EVC2: variants seen among roughly 807,000 people sequenced by gnomAD.
EVC2 encodes the protein EvC ciliary complex subunit 2.
EVC2 carries 148 observed loss-of-function variants against 149.3 expected under a neutral mutation model. The ratio of observed to expected loss-of-function variants is 0.99; its 90% CI spans 0.87 to 1.14. EVC2 has a LOEUF of 1.14. EVC2 is among the 50% of genes most tolerant of loss of function. The probability of loss-of-function intolerance (pLI) is 0.00; values close to 1 mark genes in which losing one functional copy is unlikely to be tolerated. For synonymous variants in EVC2, 776 were observed against 649.9 expected (o/e 1.19, Z -2.95); for missense variants, 1,854 against 1,627.3 (o/e 1.14, Z -2.40).
intron 21 of EVC2, among the ~76,000 whole-genome samples, chr4:5,545,602 A>T (rs1414823404): frequency 6.6e-6 from 1 of 152,188 alleles, no homozygotes; most frequent in Non-Finnish European, 1.5e-5. Flanking sequence ...CCTACTGGCC[A>T]CATGGGAATT....
At chr4:5,642,950 C>T (rs1387029170) in intron 9 of EVC2, among the ~76,000 whole-genome samples, 1 of 152,170 alleles carries the variant, frequency 6.6e-6, no homozygotes, top group Admixed American at 6.5e-5. Context: ...TCATTTTACC[C>T]ATGAACACCT....
chr4:5,602,137 T>A (rs1383185648), intron 16 of EVC2, among the ~76,000 whole-genome samples: 1 of 151,502 alleles, frequency 6.6e-6, no homozygotes, highest in Non-Finnish European at 1.5e-5. Context: ...TAAAAAATTT[T>A]AAAAATTAGT....
chr4:5,650,835 C>T (rs1426816971), intron 9 of EVC2, among the ~76,000 whole-genome samples: 1 of 151,974 alleles, frequency 6.6e-6, no homozygotes, highest in Non-Finnish European at 1.5e-5. Flanking sequence ...CTCCAGAGTC[C>T]TTGCTGTACC....
intron 21 of EVC2, among the ~76,000 whole-genome samples, chr4:5,549,299 T>C (rs892254811): frequency 2.0e-5 from 3 of 152,180 alleles, no homozygotes; most frequent in South Asian, 2.1e-4. Context: ...CCTGCAATAA[T>C]TGTAAGATGA....
Position 5,618,737 on chromosome 4 carries a change from C to T in EVC2, c.2502-55G>A. On this transcript the variant is annotated intron_variant, in intron 14 of 21. Transcript: ENST00000344408. The surrounding 1 kb of genome is among the most constrained non-coding windows in gnomAD (Gnocchi z 4.4). ...ACACAGAGAAAGCCTGGGGGCTGGG[C>T]TGGGGTGAAGAAGCCAGAGATGCAA... 4 of 1,522,388 alleles carry T rather than the reference C, an allele frequency of 2.6e-6. No homozygotes were observed. The highest frequency in any genetic ancestry group is 3.6e-6 in the Non-Finnish European group (4 of 1,120,308). 94.3% of individuals were successfully genotyped at this position (1,522,388 alleles called of 1,614,324 possible).
At position 5,562,968 on chromosome 4, in the gene EVC2, T is replaced by C. The variant is rs1722046475; in HGVS notation, c.3807A>G (p.Gly1269=). ...GATTTCTGAATATAAAGAGCTTCTC[T>C]CCTGTGTTTAATAGATCAATGGTTT... ...GAETIDLLNT[G]EKLFIFRNPK... is the part of the protein sequence containing the mutation. The change falls in exon 22 of 22, where the codon GGA becomes GGG. Residue 1269 remains glycine (G), a synonymous_variant. Coordinates refer to ENST00000344408, the MANE Select transcript of EVC2 (RefSeq NM_147127.5). This position sits in a 1 kb window ranked among gnomAD's most constrained non-coding sequence, Gnocchi z 4.3. 6.2e-7 allele frequency: 1 copy of C among 1,614,138 alleles called. No individual in the cohort carries two copies. The highest frequency in any genetic ancestry group is 8.5e-7 in the Non-Finnish European group (1 of 1,180,032).
intron 18 of EVC2, among the ~76,000 whole-genome samples, chr4:5,575,729 T>G (rs1304694820): frequency 6.6e-6 from 1 of 152,238 alleles, no homozygotes; most frequent in Non-Finnish European, 1.5e-5. Flanking sequence ...CAAGGCTAAG[T>G]GCCTAATGTG....
In EVC2 at chr4:5,614,528, G is replaced by T. The variant is rs4350953; in HGVS notation, c.2829+894C>A. 3.3e-5 allele frequency among the ~76,000 whole-genome samples: 5 copies of T among 152,122 alleles called. No homozygotes were observed. The East Asian group carries it at 9.7e-4, about 30-fold the overall frequency. On this transcript the variant is annotated intron_variant, in intron 16 of 21. Coordinates refer to ENST00000344408, the MANE Select transcript of EVC2 (RefSeq NM_147127.5). The surrounding 1 kb of genome is among the most constrained non-coding windows in gnomAD (Gnocchi z 4.7). ...TGTTCGGGTAAGGCTTCTTGGAAGG[G>T]GAGACATCCAAGAGCTGAGGGAACA...
intron 16 of EVC2, among the ~76,000 whole-genome samples, chr4:5,598,373 A>G (rs1331009844): frequency 1.3e-5 from 2 of 150,606 alleles, no homozygotes; most frequent in African/African-American, 2.4e-5. Flanking sequence ...AAACAGAGAT[A>G]TAGATCAATG....
intron 5 of EVC2, 59 bp from the exon 6 acceptor site, chr4:5,685,538 C>A: frequency 7.3e-7 from 1 of 1,363,034 alleles, no homozygotes. Flanking sequence ...CCGGCTGCAC[C>A]CCACCACACC....
rs183413745 is a variant in EVC2, at chr4:5,658,159, C to T, written c.1145+4948G>A. On this transcript the variant is annotated intron_variant, in intron 9 of 21. Transcript: ENST00000344408. The stretch of plus-strand genomic sequence containing the variant: ...ACCAAGACTCTTACTTGCTAGTGTC[C>T]GGCAAACAAGAGTCTTGGATCTACC... Among the ~76,000 whole-genome samples the T allele has an allele frequency of 1.2e-4, 18 of 152,230 alleles. No homozygotes were observed. The East Asian group carries it at 2.9e-3, about 25-fold the overall frequency.
At chr4:5,676,735 C>T (rs954945995) in intron 7 of EVC2, among the ~76,000 whole-genome samples, 1 of 152,192 alleles carries the variant, frequency 6.6e-6, no homozygotes, top group Non-Finnish European at 1.5e-5. Flanking sequence ...GCCTGCCAGT[C>T]CACCCAGCCC....
At chr4:5,584,990 C>A in intron 16 of EVC2, 140 bp from the exon 17 acceptor site, 1 of 890,980 alleles carries the variant, frequency 1.1e-6, no homozygotes, top group South Asian at 1.4e-5. Flanking sequence ...CACTGGGAAC[C>A]TGCAGGGAGC....
At chr4:5,599,586 G>A (rs1247369954) in intron 16 of EVC2, among the ~76,000 whole-genome samples, 1 of 152,158 alleles carries the variant, frequency 6.6e-6, no homozygotes, top group African/African-American at 2.4e-5. Flanking sequence ...TGGGCAGAGG[G>A]GGGAGGGATA....
chr4:5,635,053 T>C (rs1213988436), intron 10 of EVC2, among the ~76,000 whole-genome samples: 2 of 147,316 alleles, frequency 1.4e-5, no homozygotes, highest in East Asian at 2.0e-4. Context: ...TTTTTTTTTT[T>C]TGAGACAGAG....
intron 21 of EVC2, among the ~76,000 whole-genome samples, chr4:5,556,405 AC>A (rs1202627012): frequency 1.3e-5 from 2 of 152,054 alleles, no homozygotes; most frequent in Non-Finnish European, 2.9e-5. Context: ...AAATGAAAAT[AC>A]AACTTATCCC....
At chr4:5,635,123 GC>G (rs753136620) in intron 10 of EVC2, among the ~76,000 whole-genome samples, 9 of 125,236 alleles carry the variant, frequency 7.2e-5, no homozygotes, top group Non-Finnish European at 1.4e-4. Flanking sequence ...TGCAAACTCC[GC>G]CCTCTGGGTT....
chr4:5,533,160 T>G, the EVC2 span, among the ~76,000 whole-genome samples: 1 of 151,650 alleles, frequency 6.6e-6, no homozygotes, highest in Non-Finnish European at 1.5e-5. Flanking sequence ...TGATGAGTGC[T>G]AAGGGGAGAA....
At chr4:5,580,022 A>G (rs1221886488) in intron 17 of EVC2, among the ~76,000 whole-genome samples, 1 of 152,158 alleles carries the variant, frequency 6.6e-6, no homozygotes, top group Non-Finnish European at 1.5e-5. Context: ...GATCCAACTG[A>G]GCCTTGCATA....
Sources: allele counts gnomAD v4.1 joint callset (sites outside exome capture counted in the v4.1 genomes callset), GRCh38; gene constraint gnomAD v4.1.1; non-coding constraint Gnocchi (gnomAD v3.1); transcripts MANE v1.5; gene names NCBI Gene and HGNC (gene_info 2026-07-23, HGNC 2026-07-21).